Variants in MACROD2 observed in about 807,000 individuals in gnomAD.
MACROD2 encodes ADP-ribose glycohydrolase MACROD2.
A neutral mutation model predicts 70.4 loss-of-function variants in MACROD2; 36 were observed. That is an observed-to-expected ratio of 0.51 (90% confidence interval 0.39 to 0.68). The LOEUF (loss-of-function observed/expected upper bound fraction) is 0.68. MACROD2 is among the 30% of genes least tolerant of loss of function. MACROD2 has a pLI of 0.00. For synonymous variants in MACROD2, 172 were observed against 178.8 expected (o/e 0.96, Z 0.30); for missense variants, 496 against 538.4 (o/e 0.92, Z 0.78).
chr20:15,726,096 A>G (rs1356739758), intron 8 of MACROD2, among the ~76,000 whole-genome samples: 1 of 152,064 alleles, frequency 6.6e-6, no homozygotes, highest in Non-Finnish European at 1.5e-5. Context: ...TCCACCCTCA[A>G]GTAGGCCCCA....
intron 8 of MACROD2, among the ~76,000 whole-genome samples, chr20:15,545,888 G>T (rs1219658407): frequency 6.6e-6 from 1 of 152,180 alleles, no homozygotes; most frequent in Non-Finnish European, 1.5e-5. Flanking sequence ...TGTGAGGAGT[G>T]GGCAGAATTT....
intron 3 of MACROD2, chr20:14,323,892 A>G (rs978185315): frequency 1.3e-5 from 2 of 152,220 alleles, no homozygotes; most frequent in Non-Finnish European, 2.9e-5. Context: ...CTTTGAAACC[A>G]TTTCTTAAAT....
In MACROD2 at chr20:14,458,121, G is replaced by A. The variant is rs371874880; in HGVS notation, c.272-35358G>A. 3.0e-3 allele frequency among the ~76,000 whole-genome samples: 457 copies of A among 151,478 alleles called. 3 individuals carry two copies. Among genetic ancestry groups the A allele is most frequent in the Non-Finnish European group, 4.6e-3 (309 of 67,830 alleles). ...ATCTCAGAGAAAAGAAAAAAAAAAAGAGTAAATAAAGACTTACTAGTAATC... is the reference window on the plus strand; with the variant it reads ...ATCTCAGAGAAAAGAAAAAAAAAAAAAGTAAATAAAGACTTACTAGTAATC... On this transcript the variant is annotated intron_variant, in intron 3 of 17. Transcript: ENST00000684519.
At chr20:14,732,325 C>T (rs2071608850) in intron 5 of MACROD2, among the ~76,000 whole-genome samples, 1 of 152,106 alleles carries the variant, frequency 6.6e-6, no homozygotes, top group African/African-American at 2.4e-5. Context: ...TATGTATTAT[C>T]TGTAATCTTT....
chr20:14,108,498 C>G (rs2054402087), intron 3 of MACROD2, among the ~76,000 whole-genome samples: 1 of 150,814 alleles, frequency 6.6e-6, no homozygotes, highest in African/African-American at 2.4e-5. Context: ...AAAGCTAGAC[C>G]CAATGTCTGT....
chr20:15,162,764 A>T (rs2076357512), intron 5 of MACROD2, among the ~76,000 whole-genome samples: 1 of 152,164 alleles, frequency 6.6e-6, no homozygotes, highest in Non-Finnish European at 1.5e-5. Context: ...ATGATTTCAG[A>T]TTAACAAAAA....
chr20:14,809,837 A>G (rs1600686045), intron 5 of MACROD2, among the ~76,000 whole-genome samples: 1 of 152,252 alleles, frequency 6.6e-6, no homozygotes, highest in East Asian at 1.9e-4. Context: ...AATCTAGAAG[A>G]AATGGATAAA....
intron 6 of MACROD2, among the ~76,000 whole-genome samples, chr20:15,260,860 G>T (rs1246268933): frequency 2.6e-5 from 4 of 151,862 alleles, no homozygotes; most frequent in African/African-American, 9.7e-5. Flanking sequence ...TTTTCTCTTT[G>T]ATATTAATTT....
At chr20:15,072,921 C>T (rs2075629855) in intron 5 of MACROD2, among the ~76,000 whole-genome samples, 1 of 152,070 alleles carries the variant, frequency 6.6e-6, no homozygotes, top group South Asian at 2.1e-4. Flanking sequence ...GTCATGGGGG[C>T]ACCATCCTCA....
intron 8 of MACROD2, among the ~76,000 whole-genome samples, chr20:15,756,148 A>G (rs74344111): frequency 0.014 from 2,140 of 152,188 alleles, 50 homozygotes; most frequent in East Asian, 0.12. Flanking sequence ...GCCACTGCCT[A>G]TGACAGCCCG....
intron 8 of MACROD2, among the ~76,000 whole-genome samples, chr20:15,581,144 G>A (rs966379550): frequency 3.9e-5 from 6 of 152,182 alleles, no homozygotes; most frequent in African/African-American, 1.4e-4. Flanking sequence ...AGAGAGATGG[G>A]GAAGGGAGAT....
At chr20:14,781,167 T>A (rs959604506) in intron 5 of MACROD2, among the ~76,000 whole-genome samples, 2 of 152,082 alleles carry the variant, frequency 1.3e-5, no homozygotes. Flanking sequence ...TGCAACTTTG[T>A]ATCCATTGGC....
At chr20:15,783,147 A>C (rs1486460961) in intron 8 of MACROD2, among the ~76,000 whole-genome samples, 2 of 152,036 alleles carry the variant, frequency 1.3e-5, no homozygotes, top group Admixed American at 1.3e-4. Context: ...ACTATTGAGG[A>C]TGACAAGTCT....
chr20:15,388,459 A>G (rs531462183), intron 6 of MACROD2, among the ~76,000 whole-genome samples: 4 of 152,290 alleles, frequency 2.6e-5, no homozygotes, highest in African/African-American at 9.6e-5. Context: ...TGTTTGACAT[A>G]TTACATACAA....
At chr20:14,704,483 C>T (rs2123645485) in intron 5 of MACROD2, among the ~76,000 whole-genome samples, 1 of 152,210 alleles carries the variant, frequency 6.6e-6, no homozygotes, top group African/African-American at 2.4e-5. Flanking sequence ...TGTTTCTTTC[C>T]TACTCCTGTC....
At chr20:14,997,063 G>T (rs1174305530) in intron 5 of MACROD2, among the ~76,000 whole-genome samples, 1 of 152,284 alleles carries the variant, frequency 6.6e-6, no homozygotes, top group East Asian at 1.9e-4. Flanking sequence ...CACAAGCTGA[G>T]GCAGCCAAAG....
chr20:15,819,559 T>G (rs1424663227), intron 8 of MACROD2, among the ~76,000 whole-genome samples: 1 of 149,608 alleles, frequency 6.7e-6, no homozygotes, highest in African/African-American at 2.5e-5. Context: ...ATATAAAATA[T>G]ACACACACAA....
At chr20:14,411,438 G>A (rs754426492) in intron 3 of MACROD2, among the ~76,000 whole-genome samples, 4 of 151,896 alleles carry the variant, frequency 2.6e-5, no homozygotes, top group African/African-American at 4.8e-5. Context: ...CATTAACCCC[G>A]AATTTAAACA....
At chr20:14,685,097 A>G (rs1188183631) in intron 5 of MACROD2, 138 bp downstream of exon 5, 1 of 608,900 alleles carries the variant, frequency 1.6e-6, no homozygotes, top group Non-Finnish European at 2.9e-6. Context: ...ACATGGTAAT[A>G]AAAACGTGCT....
Sources: gnomAD v4.1 joint callset for allele counts (sites outside exome capture counted in the v4.1 genomes callset) on GRCh38, gnomAD v4.1.1 for gene constraint, MANE v1.5 for transcripts, NCBI Gene and HGNC (gene_info 2026-07-23, HGNC 2026-07-21) for gene names.